Variants in TENM3 observed in about 807,000 individuals in gnomAD.
The protein encoded by TENM3 is teneurin transmembrane protein 3.
Under a neutral mutation model 255.1 loss-of-function variants are expected in TENM3, and 63 were observed. That is an observed-to-expected ratio of 0.25 (90% CI 0.20 to 0.30). The LOEUF (loss-of-function observed/expected upper bound fraction) is 0.30. TENM3 is among the 10% of genes least tolerant of loss of function. TENM3 has a pLI of 1.00. For missense variants in TENM3, 2,929 were observed against 3,461.1 expected, an observed-to-expected ratio of 0.85 and a Z score of 3.86; for synonymous variants, 1,306 against 1,322.3, an observed-to-expected ratio of 0.99 and a Z score of 0.27.
intron 12 of TENM3, among the ~76,000 whole-genome samples, chr4:182,700,697 T>C (rs1222773988): frequency 1.3e-5 from 2 of 152,240 alleles, no homozygotes; most frequent in Non-Finnish European, 2.9e-5. Context: ...TTTGAATACT[T>C]TGCCAGCTGC....
At chr4:182,544,952 A>G (rs369248929) in intron 3 of TENM3, among the ~76,000 whole-genome samples, 5 of 152,332 alleles carry the variant, frequency 3.3e-5, no homozygotes, top group African/African-American at 1.2e-4. Context: ...AGGAACCATC[A>G]ATCAGCGCAT....
chr4:181,672,466 T>C, the TENM3 span, among the ~76,000 whole-genome samples: 2 of 152,170 alleles, frequency 1.3e-5, no homozygotes, highest in African/African-American at 4.8e-5. Flanking sequence ...CACTTAGCAC[T>C]TCTGTGAGTG....
In TENM3 at chr4:182,593,292, C is replaced by T. The variant is rs544566958; in HGVS notation, c.512-7632C>T. On this transcript the variant is annotated intron_variant, in intron 3 of 27. Transcript: ENST00000511685. ...AATACCCAGGAGGTGTTTTGTGTAA[C>T]GGTGCTTCTCAGATTCTCTCACAGT... Among the ~76,000 whole-genome samples, 7 of 152,258 alleles carry T rather than the reference C, an allele frequency of 4.6e-5. No homozygotes were observed. In the East Asian group the frequency reaches 5.8e-4, roughly 13 times the overall value.
At chr4:181,900,419 T>C in the TENM3 span, among the ~76,000 whole-genome samples, 1 of 152,200 alleles carries the variant, frequency 6.6e-6, no homozygotes, top group Non-Finnish European at 1.5e-5. Flanking sequence ...AAAATCAGTA[T>C]ATTCTTTCAC....
chr4:182,145,357 G>A (rs1749883319), intron 1 of TENM3: 1 of 152,174 alleles, frequency 6.6e-6, no homozygotes, highest in African/African-American at 2.4e-5. Context: ...CTCTGGATGG[G>A]GTTGGAAACA....
chr4:181,527,110 C>A, the TENM3 span, among the ~76,000 whole-genome samples: 2 of 152,226 alleles, frequency 1.3e-5, no homozygotes, highest in East Asian at 3.9e-4. Flanking sequence ...CAGAGACCAG[C>A]TGCTAGGTCC....
At chr4:182,085,000 A>G in the TENM3 span, 1 of 152,140 alleles carries the variant, frequency 6.6e-6, no homozygotes, top group East Asian at 1.9e-4. Flanking sequence ...ATACCAATAC[A>G]CTGGAACTGC....
intron 10 of TENM3, 93 bp from the exon 11 acceptor site, chr4:182,681,721 G>A: frequency 1.1e-6 from 1 of 918,086 alleles, no homozygotes; most frequent in Non-Finnish European, 1.6e-6. Context: ...TTTCCAAAAT[G>A]TTCATATAAA....
chr4:182,776,504 G>T (rs529513987), intron 24 of TENM3, among the ~76,000 whole-genome samples: 1 of 152,324 alleles, frequency 6.6e-6, no homozygotes, highest in Non-Finnish European at 1.5e-5. Flanking sequence ...GGAAAGGGCT[G>T]TTGAGCTTGC....
chr4:182,687,078 G>C (rs1190703367), intron 11 of TENM3, among the ~76,000 whole-genome samples: 1 of 152,076 alleles, frequency 6.6e-6, no homozygotes, highest in Non-Finnish European at 1.5e-5. Flanking sequence ...ATGTTACCTG[G>C]GGAATGAATA....
At chr4:182,340,900 G>T (rs1764446975) in intron 2 of TENM3, among the ~76,000 whole-genome samples, 2 of 152,134 alleles carry the variant, frequency 1.3e-5, no homozygotes, top group South Asian at 4.1e-4. Flanking sequence ...GACAGCTATA[G>T]ATTGTTTTAT....
chr4:181,477,180 G>T, the TENM3 span, among the ~76,000 whole-genome samples: 6 of 151,964 alleles, frequency 3.9e-5, no homozygotes, highest in Admixed American at 6.6e-5. Flanking sequence ...TCCACCACCG[G>T]CTAGTTCTGT....
chr4:181,508,872 G>A, the TENM3 span, among the ~76,000 whole-genome samples: 1 of 145,082 alleles, frequency 6.9e-6, no homozygotes, highest in Non-Finnish European at 1.5e-5. Flanking sequence ...CAAGAGTGAC[G>A]ATGGGGATTA....
At chr4:181,553,670 T>C in the TENM3 span, among the ~76,000 whole-genome samples, 3 of 152,100 alleles carry the variant, frequency 2.0e-5, no homozygotes, top group African/African-American at 7.2e-5. Context: ...CTCGATCTCC[T>C]GACCTCGTGA....
chr4:181,552,402 A>G, the TENM3 span, among the ~76,000 whole-genome samples: 1 of 152,148 alleles, frequency 6.6e-6, no homozygotes, highest in Non-Finnish European at 1.5e-5. Context: ...TCCGATATCC[A>G]TTTCTTTATT....
intron 1 of TENM3, among the ~76,000 whole-genome samples, chr4:182,179,998 C>T (rs1752744010): frequency 6.6e-6 from 1 of 152,060 alleles, no homozygotes; most frequent in South Asian, 2.1e-4. Context: ...CAGGAATCCA[C>T]TTCCCTAAGT....
chr4:182,221,169 TAAG>T (rs1483393639), intron 1 of TENM3, among the ~76,000 whole-genome samples: 1 of 152,168 alleles, frequency 6.6e-6, no homozygotes, highest in African/African-American at 2.4e-5. Flanking sequence ...TTTATCAAAA[TAAG>T]GAGGAAAAAG....
chr4:182,769,588 T>G (rs1423009468), intron 22 of TENM3, among the ~76,000 whole-genome samples: 2 of 143,256 alleles, frequency 1.4e-5, no homozygotes, highest in Admixed American at 1.4e-4. Context: ...TTGAGACCAG[T>G]CTGGCCAAGA....
At position 182,487,835 on chromosome 4, in the gene TENM3, G is replaced by A. The variant is rs539316282; in HGVS notation, c.512-113089G>A. On this transcript the variant is annotated intron_variant, in intron 3 of 27. Transcript: ENST00000511685. ...TTCTCAGGTCCAGTGGGTGAACATA[G>A]TACGTATCTCATAAATATTTATTAA... is the stretch of plus-strand genomic sequence containing the variant. Among the ~76,000 whole-genome samples the A allele has an allele frequency of 2.0e-5, 3 of 152,264 alleles. No homozygotes were observed. In the South Asian group the frequency reaches 6.2e-4, roughly 32 times the overall value.
Sources: allele counts gnomAD v4.1 joint callset (sites outside exome capture counted in the v4.1 genomes callset), GRCh38; gene constraint gnomAD v4.1.1; transcripts MANE v1.5; gene names NCBI Gene and HGNC (gene_info 2026-07-23, HGNC 2026-07-21).